Variants in FCHO1 observed in about 807,000 individuals in gnomAD.
FCHO1 encodes the protein FCH and mu domain containing endocytic adaptor 1.
A neutral mutation model predicts 114.4 loss-of-function variants in FCHO1; 45 were observed. The ratio of observed to expected loss-of-function variants is 0.39; its 90% confidence interval spans 0.31 to 0.50. The LOEUF is 0.50. FCHO1 is among the 20% of genes least tolerant of loss of function. The pLI is 0.77. For missense variants in FCHO1, 1,042 were observed against 1,209.6 expected (o/e 0.86, Z 2.06); for synonymous variants, 480 against 488.9 (o/e 0.98, Z 0.24).
rs774860401 is a variant in FCHO1, at chr19:17,775,101, C to T, written c.945+21C>T. ...CAGGGGTGAGTGATGTGGGAGGGGT[C>T]AGGCTGGGCTACAAGTGGAAGGAGT... On this transcript the variant is annotated intron_variant, in intron 14 of 28. Coordinates refer to ENST00000596536, the MANE Select transcript of FCHO1 (RefSeq NM_015122.3). The surrounding 1 kb of genome is among the most constrained non-coding windows in gnomAD (Gnocchi z 5.1). The T allele has an allele frequency of 3.1e-6, 5 of 1,609,810 alleles. No individual in the cohort carries two copies. Among genetic ancestry groups the T allele is most frequent in the Non-Finnish European group, 3.4e-6 (4 of 1,177,578 alleles).
At chr19:17,760,721 C>T (rs1048934490) in intron 4 of FCHO1, among the ~76,000 whole-genome samples, 1 of 152,104 alleles carries the variant, frequency 6.6e-6, no homozygotes, top group South Asian at 2.1e-4. Context: ...ATGATTTTGG[C>T]TCATTGTAAC....
chr19:17,757,204 A>G (rs1191463789), intron 4 of FCHO1, among the ~76,000 whole-genome samples: 2 of 150,718 alleles, frequency 1.3e-5, no homozygotes, highest in Non-Finnish European at 3.0e-5. Context: ...AAAAAAAAAA[A>G]GACCACATTT....
chr19:17,782,556 G>A (rs1361421249), intron 23 of FCHO1, among the ~76,000 whole-genome samples: 1 of 152,284 alleles, frequency 6.6e-6, no homozygotes, highest in Non-Finnish European at 1.5e-5. Flanking sequence ...CAAGGCTGCC[G>A]TGGGCATTAA....
chr19:17,785,345 C>T (rs1004434901), intron 26 of FCHO1, among the ~76,000 whole-genome samples: 10 of 152,102 alleles, frequency 6.6e-5, no homozygotes, highest in African/African-American at 2.2e-4. Flanking sequence ...CTCAGCCTCC[C>T]GGATAGCTGG....
chr19:17,788,324 C>CGACCA lies in FCHO1; in HGVS notation c.*18_*19insGACCA. The CGACCA allele has an allele frequency of 2.7e-6, 4 of 1,455,338 alleles. No homozygotes were observed. Among genetic ancestry groups the CGACCA allele is most frequent in the East Asian group, 3.2e-5 (1 of 31,118 alleles). 90.2% of individuals were successfully genotyped at this position (1,455,338 alleles called of 1,614,324 possible). Reference sequence around the variant, plus strand: ...GCTGCTGAACCCGCAAATGCTGCTGCCCCAGCTCTACACTGCGCCCTGGTG... The same window carrying CGACCA: ...GCTGCTGAACCCGCAAATGCTGCTGCGACCACCCAGCTCTACACTGCGCCCTGGTG... On this transcript the variant is annotated 3_prime_UTR_variant, in exon 29 of 29. Transcript: ENST00000596536.
intron 4 of FCHO1, among the ~76,000 whole-genome samples, chr19:17,759,655 G>A (rs10407529): frequency 0.17 from 25,804 of 151,772 alleles, 2,346 homozygotes; most frequent in African/African-American, 0.19. Context: ...GTATGAGGCC[G>A]GGCGTGGTGG....
At chr19:17,778,548 G>A (rs951574633) in intron 19 of FCHO1, 61 bp from the exon 20 acceptor site, 3 of 1,464,546 alleles carry the variant, frequency 2.0e-6, no homozygotes, top group East Asian at 2.5e-5. Context: ...GCCTGCAGGA[G>A]GATGGGCAGG....
chr19:17,780,851 CAG>C (rs2093336423), intron 20 of FCHO1, among the ~76,000 whole-genome samples: 1 of 152,138 alleles, frequency 6.6e-6, no homozygotes, highest in Admixed American at 6.6e-5. Context: ...GACTCAGACA[CAG>C]ACCACAGTAG....
In FCHO1 at chr19:17,781,781, C is replaced by G. The variant is rs752155104; in HGVS notation, c.1898C>G (p.Thr633Arg). The G allele has an allele frequency of 6.2e-7, 1 of 1,611,604 alleles. No homozygotes were observed. Among genetic ancestry groups the G allele is most frequent in the Non-Finnish European group, 8.5e-7 (1 of 1,178,728 alleles). Residue 633 changes from threonine to arginine, a missense_variant, in exon 23 of 29, where the codon ACA becomes AGA. Coordinates refer to ENST00000596536, the MANE Select transcript of FCHO1 (RefSeq NM_015122.3). ...QDALPIATAF[T>R]EYVHAYFRGH... ...GCCCTGCCCATAGCCACAGCCTTCACAGAGTATGTCCACGCCTACTTCCGT... is the reference window on the plus strand; with the variant it reads ...GCCCTGCCCATAGCCACAGCCTTCAGAGAGTATGTCCACGCCTACTTCCGT...
At chr19:17,750,516 T>C, upstream of FCHO1, among the ~76,000 whole-genome samples, 1 of 152,222 alleles carries the variant, frequency 6.6e-6, no homozygotes, top group East Asian at 1.9e-4. Context: ...TGGAGTGCAG[T>C]GGCTCGATCT....
At chr19:17,783,414 T>TG (rs1204748977) in intron 24 of FCHO1, among the ~76,000 whole-genome samples, 1 of 151,258 alleles carries the variant, frequency 6.6e-6, no homozygotes, top group African/African-American at 2.4e-5. Flanking sequence ...TACAGGCACG[T>TG]GCCACTACAC....
rs374155212 is a variant in FCHO1 at position 17,770,861 on chromosome 19, G to C, written c.559G>C (p.Ala187Pro). 6.2e-7 allele frequency: 1 copy of C among 1,614,130 alleles called. No homozygotes were observed. The highest frequency in any genetic ancestry group is 8.5e-7 in the Non-Finnish European group (1 of 1,180,040). The change falls in exon 9 of 29, where the codon GCT becomes CCT. Residue 187 changes from alanine (A) to proline (P), a missense_variant. Ala to Pro is a conservative substitution (Grantham distance 27). Transcript: ENST00000596536. Reference protein sequence around the residue: ...RSVEKYNSARADFEQKMLDSA... With the variant: ...RSVEKYNSARPDFEQKMLDSA... ...AGTGGAAAAATACAACTCAGCCCGA[G>C]CTGACTTTGAGCAGAAGATGCTGGA...
At chr19:17,768,226 G>T (rs932414710) in intron 7 of FCHO1, among the ~76,000 whole-genome samples, 3 of 152,022 alleles carry the variant, frequency 2.0e-5, no homozygotes, top group African/African-American at 7.2e-5. Context: ...GCTGGTGCAC[G>T]CCTGGCTAAT....
chr19:17,766,520 C>T, intron 6 of FCHO1, 149 bp from the exon 7 acceptor site: 4 of 1,058,622 alleles, frequency 3.8e-6, no homozygotes, highest in Non-Finnish European at 5.4e-6. Flanking sequence ...ACAGGCCCGC[C>T]TCTTACAGCT....
At position 17,781,482 on chromosome 19, in the gene FCHO1, T is replaced by G. The variant is rs1481225775; in HGVS notation, c.1771T>G (p.Ser591Ala). ...SRSLSPSPLG[S>A]SAASTALERP... ...TTCCCTGAGCCCCTCCCCACTGGGC[T>G]CTTCAGCCGCCAGCACTGCCTTGGA... The change falls in exon 22 of 29, where the codon TCT becomes GCT. Residue 591 changes from serine to alanine, a missense_variant. Around this residue, in one of 3 missense-constraint regions of FCHO1, gnomAD observed 455 missense variants for 455.4 expected, o/e 1.00. Coordinates refer to ENST00000596536, the MANE Select transcript of FCHO1 (RefSeq NM_015122.3). The G allele has an allele frequency of 1.2e-6, 2 of 1,613,894 alleles. No homozygotes were observed. The highest frequency in any genetic ancestry group is 2.7e-5 in the African/African-American group (2 of 74,892).
At chr19:17,787,988 G>T in intron 28 of FCHO1, 142 bp downstream of exon 28, 1 of 1,053,590 alleles carries the variant, frequency 9.5e-7, no homozygotes, top group Non-Finnish European at 1.4e-6. Context: ...CAGATGGGGG[G>T]CACAGGTGGG....
intron 26 of FCHO1, among the ~76,000 whole-genome samples, chr19:17,785,731 G>A (rs1389420704): frequency 2.0e-5 from 3 of 151,692 alleles, no homozygotes; most frequent in Non-Finnish European, 4.4e-5. Context: ...CTACTTGGGA[G>A]GCTGAGGTGG....
At chr19:17,785,331 C>T (rs1417559699) in intron 26 of FCHO1, among the ~76,000 whole-genome samples, 3 of 152,172 alleles carry the variant, frequency 2.0e-5, no homozygotes, top group Non-Finnish European at 4.4e-5. Context: ...GCGATTTTCT[C>T]TGCCTCAGCC....
In FCHO1 at chr19:17,776,158, AG is replaced by A; in HGVS notation, c.1182+1del. The A allele has an allele frequency of 6.2e-7, 1 of 1,613,820 alleles. No homozygotes were observed. ...GCAGCCTCATCCTTCCTCCTGGCCC[AG>A]GGGTGAGGCGTGGGAGGGGTGCCCT... ...AGSLILPPGP[G>X]GTMKRHSSRD... On this transcript the variant is annotated frameshift_variant and splice_region_variant, in exon 16 of 29. Transcript: ENST00000596536. LOFTEE classifies it high-confidence loss of function. The surrounding 1 kb of genome is among the most constrained non-coding windows in gnomAD (Gnocchi z 4.4).
Sources: gnomAD v4.1 joint callset for allele counts (sites outside exome capture counted in the v4.1 genomes callset) on GRCh38, gnomAD v4.1.1 for gene constraint, gnomAD v4.1.1 regional missense constraint, Gnocchi (gnomAD v3.1) non-coding constraint, MANE v1.5 for transcripts, NCBI Gene and HGNC (gene_info 2026-07-23, HGNC 2026-07-21) for gene names.